The following SPIRE2 variants were observed in gnomAD, a reference collection of about 807,000 sequenced individuals.
The protein encoded by SPIRE2 is spire type actin nucleation factor 2.
SPIRE2 carries 76 observed loss-of-function variants against 80.7 expected under a neutral mutation model. That is an observed-to-expected ratio of 0.94 (90% CI 0.78 to 1.14). SPIRE2 has a LOEUF of 1.14. Ranked by LOEUF, SPIRE2 falls within the 50% of genes most tolerant of loss-of-function variation. The pLI, the probability that SPIRE2 is intolerant of heterozygous loss-of-function variation, is 0.00. For synonymous variants in SPIRE2, 535 were observed against 432.6 expected (o/e 1.24, Z -2.94); for missense variants, 1,196 against 1,015.3 (o/e 1.18, Z -2.42).
At chr16:89,866,122 C>G (rs1338970246) in intron 12 of SPIRE2, among the ~76,000 whole-genome samples, 2 of 133,522 alleles carry the variant, frequency 1.5e-5, no homozygotes, top group Non-Finnish European at 3.2e-5. Flanking sequence ...GCACTCCAGC[C>G]TGGGTGACAG....
rs940182954 is a variant in SPIRE2, at chr16:89,850,489, C to A, written c.474C>A (p.Ala158=). The A allele has an allele frequency of 2.6e-6, 4 of 1,523,606 alleles. No individual in the cohort carries two copies. Among genetic ancestry groups the A allele is most frequent in the African/African-American group, 1.4e-5 (1 of 73,412 alleles). 94.4% of individuals were successfully genotyped at this position (1,523,606 alleles called of 1,614,324 possible). A position where few individuals can be genotyped will look rare whatever the true frequency, so the allele number is the denominator to read the frequency against. ...GYGGPEEEEE[A]EGVPRSVRTF... Reference sequence around the variant, plus strand: ...GGGGTCCCGAGGAGGAGGAGGAGGCCGAGGGCGTCCCCCGCAGCGTGCGCA... The same window carrying A: ...GGGGTCCCGAGGAGGAGGAGGAGGCAGAGGGCGTCCCCCGCAGCGTGCGCA... Residue 158 remains alanine (A), a synonymous_variant, in exon 3 of 15, where the codon GCC becomes GCA. Transcript: ENST00000378247.
Position 89,870,144 on chromosome 16 carries a change from A to C in SPIRE2, c.2017A>C (p.Thr673Pro). ...CVLKDVCSEC[T>P]SFVADVVRSS... Reference sequence around the variant, plus strand: ...CCTGAAGGATGTCTGCAGTGAGTGCACCAGCTTTGTGGCAGACGTGGTGCG... The same window carrying C: ...CCTGAAGGATGTCTGCAGTGAGTGCCCCAGCTTTGTGGCAGACGTGGTGCG... The change falls in exon 15 of 15, where the codon ACC (threonine) becomes CCC (proline). Residue 673 changes from threonine (T) to proline (P), a missense_variant. By Grantham distance (38) the Thr-to-Pro change is conservative. Coordinates refer to ENST00000378247, the MANE Select transcript of SPIRE2 (RefSeq NM_032451.2). The C allele has an allele frequency of 6.2e-7, 1 of 1,612,722 alleles. No individual in the cohort carries two copies. Among genetic ancestry groups the C allele is most frequent in the Non-Finnish European group, 8.5e-7 (1 of 1,179,480 alleles).
chr16:89,839,342 C>G (rs942728451), intron 1 of SPIRE2, among the ~76,000 whole-genome samples: 10 of 149,698 alleles, frequency 6.7e-5, no homozygotes, highest in Admixed American at 4.7e-4. Flanking sequence ...CCACTGCACT[C>G]CAGCCTGGGC....
rs1056408127 is a variant in SPIRE2, at chr16:89,870,425, C to G, written c.*153C>G. On this transcript the variant is annotated 3_prime_UTR_variant, in exon 15 of 15. Coordinates refer to ENST00000378247, the MANE Select transcript of SPIRE2 (RefSeq NM_032451.2). ...ATTTATATACACTGTTTCCTGGCCC[C>G]AGAGCTCATTTGGGTTCAGGCGCAC... The G allele has an allele frequency of 5.1e-6, 3 of 585,662 alleles. No individual in the cohort carries two copies. The highest frequency in any genetic ancestry group is 9.0e-6 in the Non-Finnish European group (3 of 334,484). 36.3% of individuals were successfully genotyped at this position (585,662 alleles called of 1,614,324 possible). A position where few individuals can be genotyped will look rare whatever the true frequency, so the allele number is the denominator to read the frequency against.
intron 10 of SPIRE2, among the ~76,000 whole-genome samples, chr16:89,861,641 T>C: frequency 6.6e-6 from 1 of 152,328 alleles, no homozygotes; most frequent in East Asian, 1.9e-4. Flanking sequence ...ACTCCGGCAG[T>C]GTCTTAGCTG....
At chr16:89,845,176 G>A in intron 1 of SPIRE2, 146 bp from the exon 2 acceptor site, 1 of 739,516 alleles carries the variant, frequency 1.4e-6, no homozygotes, top group South Asian at 1.6e-5. Context: ...AAATGACCAA[G>A]TGGCTGGGCC....
At chr16:89,858,066 TA>T (rs1367502811) in intron 7 of SPIRE2, among the ~76,000 whole-genome samples, 1 of 151,280 alleles carries the variant, frequency 6.6e-6, no homozygotes, top group African/African-American at 2.4e-5. Context: ...TTGTATTTTT[TA>T]GTAGAGACAG....
At position 89,870,131 on chromosome 16, in the gene SPIRE2, C is replaced by G; in HGVS notation, c.2004C>G (p.Val668=). The change falls in exon 15 of 15, where the codon GTC becomes GTG. Residue 668 remains valine (V), a synonymous_variant. Coordinates refer to ENST00000378247, the MANE Select transcript of SPIRE2 (RefSeq NM_032451.2). ...CCCACGGCTGTGTCCTGAAGGATGT[C>G]TGCAGTGAGTGCACCAGCTTTGTGG... ...IYSHGCVLKD[V]CSECTSFVAD... The G allele has an allele frequency of 1.2e-6, 2 of 1,613,238 alleles. No individual in the cohort carries two copies. Among genetic ancestry groups the G allele is most frequent in the South Asian group, 1.1e-5 (1 of 90,852 alleles).
Position 89,869,568 on chromosome 16 carries a change from TGAA to T in SPIRE2, c.1811_1813del (p.Lys604del), listed in dbSNP as rs1567679870. 6.2e-7 allele frequency: 1 copy of T among 1,608,150 alleles called. No homozygotes were observed. The highest frequency in any genetic ancestry group is 8.5e-7 in the Non-Finnish European group (1 of 1,174,644). ...ATACCTCCTCCCTCTGTGCTGCAGA[TGAA>T]GATGCCTTCTAAGAAATTTGGACAC... On this transcript the variant is annotated inframe_deletion and splice_region_variant, in exon 14 of 15. Coordinates refer to ENST00000378247, the MANE Select transcript of SPIRE2 (RefSeq NM_032451.2).
intron 1 of SPIRE2, among the ~76,000 whole-genome samples, chr16:89,832,190 C>G (rs1274973424): frequency 6.6e-6 from 1 of 152,246 alleles, no homozygotes; most frequent in Non-Finnish European, 1.5e-5. Context: ...TCCTTTTCAC[C>G]CACGGAAGCC....
chr16:89,837,111 A>G (rs2041457660), intron 1 of SPIRE2, among the ~76,000 whole-genome samples: 1 of 152,146 alleles, frequency 6.6e-6, no homozygotes, highest in Admixed American at 6.5e-5. Context: ...CTGGAATTGC[A>G]GGTCTTCTCC....
At chr16:89,860,600 C>A in intron 9 of SPIRE2, 83 bp from the exon 10 acceptor site, 1 of 946,976 alleles carries the variant, frequency 1.1e-6, no homozygotes, top group Non-Finnish European at 1.6e-6. Context: ...GAGCCCTCCA[C>A]CATCTCTATC....
chr16:89,865,004 CTTTTT>C (rs398042284), intron 12 of SPIRE2, among the ~76,000 whole-genome samples: 1 of 125,364 alleles, frequency 8.0e-6, no homozygotes, highest in Admixed American at 8.5e-5. Context: ...ACTTTTTTTC[CTTTTT>C]TTTTTTTTTT....
At chr16:89,847,994 T>G (rs1413025144) in intron 2 of SPIRE2, among the ~76,000 whole-genome samples, 1 of 152,216 alleles carries the variant, frequency 6.6e-6, no homozygotes, top group Non-Finnish European at 1.5e-5. Context: ...CTGTCTGTCC[T>G]GTGCCACGAG....
intron 3 of SPIRE2, among the ~76,000 whole-genome samples, chr16:89,851,510 AC>A (rs1454086536): frequency 6.6e-6 from 1 of 152,070 alleles, no homozygotes; most frequent in Non-Finnish European, 1.5e-5. Context: ...TAAGGCTGGG[AC>A]CCTTGCCCGA....
rs773857281 is a variant in SPIRE2, at chr16:89,870,331, C to G, written c.*59C>G. On this transcript the variant is annotated 3_prime_UTR_variant, in exon 15 of 15. Coordinates refer to ENST00000378247, the MANE Select transcript of SPIRE2 (RefSeq NM_032451.2). ...AGGCAGGCCCTGTATCAGGCTAGGA[C>G]GCTCTGAGCTGTGCATGTACATATA... The G allele has an allele frequency of 1.8e-6, 2 of 1,091,146 alleles. No homozygotes were observed. The highest frequency in any genetic ancestry group is 2.7e-6 in the Non-Finnish European group (2 of 736,626). 67.6% of individuals were successfully genotyped at this position (1,091,146 alleles called of 1,614,324 possible). A position where few individuals can be genotyped will look rare whatever the true frequency, so the allele number is the denominator to read the frequency against.
At position 89,860,512 on chromosome 16, in the gene SPIRE2, G is replaced by A. The variant is rs186366986; in HGVS notation, c.1463-171G>A. Reference sequence around the variant, plus strand: ...CTAGGCTCAAGGTTCCACCCGCCTCGGCCTCCTAAGTGCTAGAACTGCCCG... The same window carrying A: ...CTAGGCTCAAGGTTCCACCCGCCTCAGCCTCCTAAGTGCTAGAACTGCCCG... On this transcript the variant is annotated intron_variant, in intron 9 of 14. Transcript: ENST00000378247. Among the ~76,000 whole-genome samples the A allele has an allele frequency of 2.1e-4, 32 of 152,212 alleles. No homozygotes were observed. In the East Asian group the frequency reaches 4.3e-3, roughly 20 times the overall value.
At chr16:89,869,053 A>AAAAAAAATAT in intron 13 of SPIRE2, among the ~76,000 whole-genome samples, 15 of 24,032 alleles carry the variant, frequency 6.2e-4, no homozygotes, top group African/African-American at 2.1e-3. Flanking sequence ...AAAAAAAAAA[A>AAAAAAAATAT]ATATATATAT....
At chr16:89,832,575 C>T (rs890426536) in intron 1 of SPIRE2, among the ~76,000 whole-genome samples, 1 of 152,096 alleles carries the variant, frequency 6.6e-6, no homozygotes, top group Non-Finnish European at 1.5e-5. Context: ...TGACTCCTCA[C>T]CAGAGCTGAG....
Sources: gnomAD v4.1 joint callset for allele counts (sites outside exome capture counted in the v4.1 genomes callset) on GRCh38, gnomAD v4.1.1 for gene constraint, MANE v1.5 for transcripts, NCBI Gene and HGNC (gene_info 2026-07-23, HGNC 2026-07-21) for gene names.